The following ADCY2 variants were observed in gnomAD, a reference collection of about 807,000 sequenced individuals.
The protein encoded by ADCY2 is adenylate cyclase 2.
In ADCY2, 31 loss-of-function variants were observed where a neutral mutation model predicts 125.2. The observed-to-expected ratio is 0.25, with a 90% CI of 0.19 to 0.33. The LOEUF is 0.33. Among genes scored for constraint, ADCY2 ranks in the 10% least tolerant of loss-of-function variants. The pLI, the probability that ADCY2 is intolerant of heterozygous loss-of-function variation, is 1.00. For synonymous variants in ADCY2, 512 were observed against 548.4 expected, an observed-to-expected ratio of 0.93 and a Z score of 0.93; for missense variants, 904 against 1,418.2, an observed-to-expected ratio of 0.64 and a Z score of 5.82.
At chr5:7,652,072 G>A (rs1182621725) in intron 4 of ADCY2, among the ~76,000 whole-genome samples, 2 of 152,140 alleles carry the variant, frequency 1.3e-5, no homozygotes, top group South Asian at 2.1e-4. Context: ...AAAGTGCTGG[G>A]ATTACAGGCG....
intron 4 of ADCY2, among the ~76,000 whole-genome samples, chr5:7,669,682 C>T (rs1291934200): frequency 6.6e-6 from 1 of 152,182 alleles, no homozygotes; most frequent in African/African-American, 2.4e-5. Context: ...TTACATCTCT[C>T]TCTATTTATT....
intron 3 of ADCY2, among the ~76,000 whole-genome samples, chr5:7,617,450 C>T: frequency 6.6e-6 from 1 of 152,172 alleles, no homozygotes; most frequent in Non-Finnish European, 1.5e-5. Context: ...ATTTAAGCCA[C>T]CCAGTCTGTG....
chr5:7,434,973 G>C (rs1740741869), intron 2 of ADCY2, among the ~76,000 whole-genome samples: 1 of 152,190 alleles, frequency 6.6e-6, no homozygotes, highest in African/African-American at 2.4e-5. Context: ...TTAAGAGAAT[G>C]CTCCTATCGC....
intron 15 of ADCY2, among the ~76,000 whole-genome samples, chr5:7,754,790 G>A (rs1326555618): frequency 6.6e-6 from 1 of 152,036 alleles, no homozygotes; most frequent in Non-Finnish European, 1.5e-5. Context: ...CTAGGAGGCG[G>A]AGGTTGCAGT....
intron 7 of ADCY2, among the ~76,000 whole-genome samples, chr5:7,705,939 C>T (rs1267622562): frequency 1.3e-5 from 2 of 152,236 alleles, no homozygotes; most frequent in Non-Finnish European, 2.9e-5. Context: ...CATTTCACTA[C>T]AATTCACAAG....
intron 7 of ADCY2, among the ~76,000 whole-genome samples, chr5:7,699,012 A>G (rs1452516486): frequency 1.4e-5 from 2 of 146,806 alleles, no homozygotes; most frequent in Non-Finnish European, 3.0e-5. Context: ...CAACAGCGTA[A>G]AAGCGCTCCT....
At chr5:7,620,264 A>G (rs1737911551) in intron 3 of ADCY2, among the ~76,000 whole-genome samples, 1 of 152,220 alleles carries the variant, frequency 6.6e-6, no homozygotes, top group Admixed American at 6.5e-5. Context: ...CAACAGTACT[A>G]TCTATTTTGT....
intron 2 of ADCY2, among the ~76,000 whole-genome samples, chr5:7,463,618 T>TAAAAAAAAAA (rs33927169): frequency 9.8e-6 from 1 of 102,560 alleles, no homozygotes; most frequent in Non-Finnish European, 2.2e-5. Flanking sequence ...AGGTGATAGA[T>TAAAAAAAAAA]AAAAAAAAAA....
intron 2 of ADCY2, among the ~76,000 whole-genome samples, chr5:7,491,220 T>C (rs1743151196): frequency 1.3e-5 from 2 of 152,180 alleles, no homozygotes; most frequent in South Asian, 4.1e-4. Flanking sequence ...TTCTCACATA[T>C]CTGTGCTTGG....
intron 1 of ADCY2, among the ~76,000 whole-genome samples, chr5:7,399,023 C>T (rs114364488): frequency 0.011 from 1,609 of 152,300 alleles, 34 homozygotes; most frequent in African/African-American, 0.037. Flanking sequence ...GGCAGGGCTT[C>T]GCTTCAGAGA....
chr5:7,449,046 A>G (rs1741380360), intron 2 of ADCY2, among the ~76,000 whole-genome samples: 1 of 152,206 alleles, frequency 6.6e-6, no homozygotes, highest in African/African-American at 2.4e-5. Context: ...CCTCTGAGGA[A>G]TCACCACACT....
intron 2 of ADCY2, among the ~76,000 whole-genome samples, chr5:7,513,039 G>C (rs969276358): frequency 6.7e-6 from 1 of 150,318 alleles, no homozygotes; most frequent in Admixed American, 6.6e-5. Context: ...GCTGGGATGT[G>C]ATGGAATTTC....
chr5:7,535,418 T>C (rs1196043743), intron 3 of ADCY2, among the ~76,000 whole-genome samples: 1 of 152,212 alleles, frequency 6.6e-6, no homozygotes, highest in Non-Finnish European at 1.5e-5. Context: ...TAATGCATGA[T>C]CAAATGTAGA....
chr5:7,447,537 C>A (rs910690175), intron 2 of ADCY2, among the ~76,000 whole-genome samples: 2 of 152,188 alleles, frequency 1.3e-5, no homozygotes, highest in African/African-American at 2.4e-5. Flanking sequence ...ACACCTCCCC[C>A]TACCTCATGT....
At chr5:7,675,070 G>A (rs1740075158) in intron 4 of ADCY2, among the ~76,000 whole-genome samples, 1 of 151,826 alleles carries the variant, frequency 6.6e-6, no homozygotes, top group African/African-American at 2.4e-5. Flanking sequence ...CAGGAGAATG[G>A]CGTGAACCCG....
At chr5:7,658,545 G>A (rs761535016) in intron 4 of ADCY2, among the ~76,000 whole-genome samples, 95 of 151,816 alleles carry the variant, frequency 6.3e-4, no homozygotes, top group Non-Finnish European at 1.2e-3. Flanking sequence ...TCAGCCTCCC[G>A]AGTAGCTGGG....
intron 1 of ADCY2, among the ~76,000 whole-genome samples, chr5:7,398,406 C>A (rs1025802620): frequency 6.6e-6 from 1 of 152,158 alleles, no homozygotes; most frequent in Admixed American, 6.5e-5. Context: ...TATTCAATTC[C>A]TTTATGTTCC....
At chr5:7,632,374 T>C (rs371891370) in intron 4 of ADCY2, among the ~76,000 whole-genome samples, 49 of 152,342 alleles carry the variant, frequency 3.2e-4, no homozygotes, top group East Asian at 2.3e-3. Context: ...TGGTATCTCC[T>C]CCTTGGTAAA....
chr5:7,768,493 G>A (rs1428149074), intron 17 of ADCY2, among the ~76,000 whole-genome samples: 1 of 152,194 alleles, frequency 6.6e-6, no homozygotes, highest in East Asian at 1.9e-4. Context: ...GGCACTTTGA[G>A]TTTAAAATTT....
Sources: allele counts gnomAD v4.1 joint callset (sites outside exome capture counted in the v4.1 genomes callset), GRCh38; gene constraint gnomAD v4.1.1; transcripts MANE v1.5; gene names NCBI Gene and HGNC (gene_info 2026-07-23, HGNC 2026-07-21).